MOSMO: variants seen among roughly 807,000 people sequenced by gnomAD.
MOSMO encodes modulator of smoothened protein.
In MOSMO, 5 loss-of-function variants were observed where a neutral mutation model predicts 18.4. That is an observed-to-expected ratio of 0.27 (90% CI 0.14 to 0.57). The LOEUF is 0.57. MOSMO is among the 20% of genes least tolerant of loss of function. The pLI is 0.92. For missense variants in MOSMO, 138 were observed against 211.8 expected (o/e 0.65, Z 2.16); for synonymous variants, 82 against 82.3 (o/e 1.00, Z 0.02).
At chr16:22,029,220 A>G (rs1157082514) in intron 1 of MOSMO, among the ~76,000 whole-genome samples, 2 of 152,170 alleles carry the variant, frequency 1.3e-5, no homozygotes, top group Admixed American at 1.3e-4. Flanking sequence ...ATGTACATAC[A>G]TTCTTGACAT....
rs1307893280 is a variant in MOSMO, at chr16:22,046,163, A to C, written c.107-29324A>C. Reference sequence around the variant, plus strand: ...GGAATGTGGGATTTGAGTGCACAGGAAAGCTAAAGGGACACTTCAACCCCT... The same window carrying C: ...GGAATGTGGGATTTGAGTGCACAGGCAAGCTAAAGGGACACTTCAACCCCT... On this transcript the variant is annotated intron_variant, in intron 1 of 2. Coordinates refer to ENST00000542527, the MANE Select transcript of MOSMO (RefSeq NM_001164579.2). Among the ~76,000 whole-genome samples the C allele has an allele frequency of 4.6e-5, 7 of 152,144 alleles. 1 individual carries two copies. Among genetic ancestry groups the C allele is most frequent in the Middle Eastern group, 3.2e-3 (1 of 316 alleles).
At chr16:22,058,888 A>T (rs548976891) in intron 1 of MOSMO, among the ~76,000 whole-genome samples, 2 of 152,336 alleles carry the variant, frequency 1.3e-5, no homozygotes, top group South Asian at 4.1e-4. Flanking sequence ...AACCCAGCTG[A>T]GATTGCCTAG....
rs533341790 is a variant in MOSMO, at chr16:22,036,499, G to A, written c.106+28092G>A. On this transcript the variant is annotated intron_variant, in intron 1 of 2. Transcript: ENST00000542527. Reference sequence around the variant, plus strand: ...GTCCTGCTCTGTCACTCAGGCTGGAGTGCAGTGGTCCAATCACAGCTAATT... The same window carrying A: ...GTCCTGCTCTGTCACTCAGGCTGGAATGCAGTGGTCCAATCACAGCTAATT... Among the ~76,000 whole-genome samples, 86 of 152,288 alleles carry A rather than the reference G, an allele frequency of 5.6e-4. 1 individual carries two copies. The highest frequency in any genetic ancestry group is 2.0e-3 in the African/African-American group (84 of 41,542).
At chr16:22,036,943 T>C (rs1251765960) in intron 1 of MOSMO, among the ~76,000 whole-genome samples, 2 of 152,168 alleles carry the variant, frequency 1.3e-5, no homozygotes, top group Non-Finnish European at 2.9e-5. Context: ...TAAGTCAGAC[T>C]AGGATTGGAG....
chr16:22,010,815 G>C (rs1244820152), intron 1 of MOSMO, among the ~76,000 whole-genome samples: 2 of 152,090 alleles, frequency 1.3e-5, no homozygotes, highest in African/African-American at 4.8e-5. Context: ...CAGCTACTCG[G>C]GAGGCTGAGG....
At chr16:22,040,364 A>G (rs1900187249) in intron 1 of MOSMO, among the ~76,000 whole-genome samples, 2 of 152,162 alleles carry the variant, frequency 1.3e-5, no homozygotes, top group Non-Finnish European at 2.9e-5. Context: ...AACCCCCATA[A>G]CACAAGTTTA....
intron 1 of MOSMO, among the ~76,000 whole-genome samples, chr16:22,058,771 T>C (rs986379588): frequency 7.9e-5 from 12 of 152,124 alleles, no homozygotes; most frequent in African/African-American, 2.9e-4. Context: ...GGCATCCAAG[T>C]GGAAATATTA....
At chr16:22,092,518 C>G, downstream of MOSMO, 1 of 1,326,768 alleles carries the variant, frequency 7.5e-7, no homozygotes, top group South Asian at 1.4e-5. Context: ...CTAACACATT[C>G]CCGCAGGGCA....
intron 2 of MOSMO, among the ~76,000 whole-genome samples, chr16:22,077,140 G>C (rs1483239233): frequency 1.2e-4 from 19 of 152,168 alleles, no homozygotes. Flanking sequence ...TAATATCAAA[G>C]AAGGATTTAG....
intron 2 of MOSMO, among the ~76,000 whole-genome samples, chr16:22,076,842 C>G (rs1306627756): frequency 1.3e-5 from 2 of 152,120 alleles, no homozygotes; most frequent in African/African-American, 4.8e-5. Context: ...ATGTTTCTGA[C>G]TCTGTTTATC....
chr16:22,091,621 C>T (rs1174320860), downstream of MOSMO, among the ~76,000 whole-genome samples: 1 of 152,080 alleles, frequency 6.6e-6, no homozygotes, highest in East Asian at 1.9e-4. Flanking sequence ...AAATTCCTGG[C>T]CTCAAGCAGT....
rs184221790 is a variant in MOSMO, at chr16:22,050,982, C to T, written c.107-24505C>T. Among the ~76,000 whole-genome samples, 686 of 151,866 alleles carry T rather than the reference C, an allele frequency of 4.5e-3. 2 individuals are homozygous for T. The highest frequency in any genetic ancestry group is 7.3e-3 in the Non-Finnish European group (496 of 67,972). ...AGTTCATTTTTTAGTGCAGTCCAGT[C>T]TGACAACTGCTGTGTTTAATATATG... is the stretch of plus-strand genomic sequence containing the variant. On this transcript the variant is annotated intron_variant, in intron 1 of 2. Coordinates refer to ENST00000542527, the MANE Select transcript of MOSMO (RefSeq NM_001164579.2).
chr16:22,051,555 C>T (rs1045104479), intron 1 of MOSMO, among the ~76,000 whole-genome samples: 1 of 152,130 alleles, frequency 6.6e-6, no homozygotes, highest in Non-Finnish European at 1.5e-5. Flanking sequence ...AAGGGAAGTA[C>T]CAACAACAGC....
intron 1 of MOSMO, among the ~76,000 whole-genome samples, chr16:22,011,528 T>C (rs1032028489): frequency 3.9e-5 from 6 of 152,092 alleles, no homozygotes; most frequent in Non-Finnish European, 5.9e-5. Context: ...ACATGGCCAG[T>C]AGAATAGGGG....
At chr16:22,026,929 A>G (rs1474698888) in intron 1 of MOSMO, among the ~76,000 whole-genome samples, 1 of 151,922 alleles carries the variant, frequency 6.6e-6, no homozygotes, top group Non-Finnish European at 1.5e-5. Flanking sequence ...TTTTTTTTAA[A>G]TTACAGTGTT....
intron 1 of MOSMO, among the ~76,000 whole-genome samples, chr16:22,022,825 T>G (rs1899792904): frequency 6.6e-6 from 1 of 152,146 alleles, no homozygotes; most frequent in African/African-American, 2.4e-5. Context: ...TAGAAGACCC[T>G]CACCAGAACC....
intron 1 of MOSMO, among the ~76,000 whole-genome samples, chr16:22,063,407 T>G (rs959136847): frequency 3.3e-5 from 5 of 152,234 alleles, no homozygotes; most frequent in African/African-American, 1.2e-4. Context: ...AAATGGATCC[T>G]TTGCTCTTGT....
chr16:22,053,062 C>A (rs1900459985), intron 1 of MOSMO, among the ~76,000 whole-genome samples: 1 of 146,178 alleles, frequency 6.8e-6, no homozygotes, highest in African/African-American at 2.5e-5. Context: ...TCAAGCGATT[C>A]TCTTGCCTCA....
chr16:22,077,962 T>C (rs1424961246), intron 2 of MOSMO, among the ~76,000 whole-genome samples: 1 of 152,186 alleles, frequency 6.6e-6, no homozygotes, highest in Non-Finnish European at 1.5e-5. Flanking sequence ...TGTATTTCTA[T>C]TCCCGTTAAG....
Sources: allele counts gnomAD v4.1 joint callset (sites outside exome capture counted in the v4.1 genomes callset), GRCh38; gene constraint gnomAD v4.1.1; transcripts MANE v1.5; gene names NCBI Gene and HGNC (gene_info 2026-07-23, HGNC 2026-07-21).